OTC: variants seen among roughly 807,000 people sequenced by gnomAD.
The protein encoded by OTC is ornithine transcarbamylase.
Under a neutral mutation model 30.3 loss-of-function variants are expected in OTC, and 3 were observed. The observed-to-expected ratio is 0.10, with a 90% CI of 0.05 to 0.26. The LOEUF (loss-of-function observed/expected upper bound fraction) is 0.26. OTC is among the 10% of genes least tolerant of loss of function. The probability of loss-of-function intolerance (pLI) is 1.00; values close to 1 mark genes in which losing one functional copy is unlikely to be tolerated. For missense variants in OTC, 194 were observed against 260.3 expected (o/e 0.75, Z 1.75); for synonymous variants, 111 against 99.7 (o/e 1.11, Z -0.67).
At chrX:38,344,230 TATATATATATAC>T in the OTC span, among the ~76,000 whole-genome samples, 15,276 of 64,476 alleles carry the variant, frequency 0.24, 874 homozygotes, top group African/African-American at 0.34. Flanking sequence ...CTTTTGGTGA[TATATATATATAC>T]ACACACACAC....
intron 9 of OTC, 125 bp downstream of exon 9, chrX:38,412,124 AT>A: frequency 1.5e-6 from 1 of 649,198 alleles, no homozygotes. Context: ...TGTAACATCT[AT>A]TTTTTTCCAG....
At chrX:38,368,290 G>T (rs2068307139) in intron 2 of OTC, among the ~76,000 whole-genome samples, 1 of 111,547 alleles carries the variant, frequency 9.0e-6, no homozygotes, top group Non-Finnish European at 1.9e-5. Flanking sequence ...AACCCAGGAG[G>T]CGGAGGTTGC....
chrX:38,406,930 CAT>C (rs2068518323), intron 6 of OTC, among the ~76,000 whole-genome samples: 2 of 112,599 alleles, frequency 1.8e-5, no homozygotes, highest in African/African-American at 6.5e-5. Context: ...GGTAGACAAT[CAT>C]GTGCAAATAA....
chrX:38,397,711 CATTGAT>C (rs2068464457), intron 4 of OTC, among the ~76,000 whole-genome samples: 1 of 111,832 alleles, frequency 8.9e-6, no homozygotes, highest in Non-Finnish European at 1.9e-5. Context: ...TCTTCCTCTA[CATTGAT>C]CCACTGTGTC....
chrX:38,422,033 A>G (rs1454066285), downstream of OTC, among the ~76,000 whole-genome samples: 3 of 112,339 alleles, frequency 2.7e-5, no homozygotes, highest in African/African-American at 9.7e-5. Flanking sequence ...TTGTTGAATT[A>G]TTATGATATA....
the OTC span, among the ~76,000 whole-genome samples, chrX:38,332,117 G>T: frequency 2.7e-5 from 3 of 109,608 alleles, no homozygotes; most frequent in South Asian, 1.2e-3. Flanking sequence ...GAGGGATCTA[G>T]ATTGTGTGCT....
At chrX:38,376,652 T>C (rs2147328243) in intron 3 of OTC, among the ~76,000 whole-genome samples, 1 of 111,925 alleles carries the variant, frequency 8.9e-6, no homozygotes, top group African/African-American at 3.2e-5. Context: ...CAAAAGATAT[T>C]CCATGCAAAT....
the OTC span, among the ~76,000 whole-genome samples, chrX:38,330,281 G>A: frequency 1.8e-5 from 2 of 111,968 alleles, no homozygotes; most frequent in Non-Finnish European, 3.8e-5. Flanking sequence ...GTCTCCAGAA[G>A]GGAATGCAAC....
chrX:38,358,515 C>T (rs1418043383), intron 1 of OTC, among the ~76,000 whole-genome samples: 1 of 110,796 alleles, frequency 9.0e-6, no homozygotes, highest in Non-Finnish European at 1.9e-5. Flanking sequence ...CCCAAGCTAA[C>T]ATTTCCTGCC....
chrX:38,384,860 A>G (rs2068394426), intron 4 of OTC, among the ~76,000 whole-genome samples: 1 of 112,664 alleles, frequency 8.9e-6, no homozygotes, highest in South Asian at 3.6e-4. Context: ...TGTTAAATGC[A>G]ATTTCCATAG....
chrX:38,369,978 C>T, intron 3 of OTC, 101 bp downstream of exon 3: 3 of 525,479 alleles, frequency 5.7e-6, no homozygotes, highest in Non-Finnish European at 1.0e-5. Context: ...CCTCTAGCAA[C>T]CACAAAGAAA....
the OTC span, among the ~76,000 whole-genome samples, chrX:38,340,459 G>GTTTTTTTTTT: frequency 8.1e-4 from 49 of 60,474 alleles, no homozygotes; most frequent in South Asian, 2.1e-3. Flanking sequence ...TTGTTTTTTT[G>GTTTTTTTTTT]TTTTTTTTTT....
At chrX:38,345,909 G>A in the OTC span, among the ~76,000 whole-genome samples, 44 of 111,183 alleles carry the variant, frequency 4.0e-4, no homozygotes, top group Non-Finnish European at 7.5e-4. Flanking sequence ...TTTGGGAAAG[G>A]GCCATTATCG....
intron 1 of OTC, among the ~76,000 whole-genome samples, chrX:38,356,824 T>C (rs1287886454): frequency 9.0e-6 from 1 of 111,721 alleles, no homozygotes; most frequent in Non-Finnish European, 1.9e-5. Context: ...ATATCACATA[T>C]GGGTATGTGG....
At chrX:38,418,929 G>A (rs2068582349) in intron 9 of OTC, among the ~76,000 whole-genome samples, 1 of 111,881 alleles carries the variant, frequency 8.9e-6, no homozygotes, top group African/African-American at 3.2e-5. Flanking sequence ...CTAAGACAGA[G>A]CTTTTTCCCT....
At chrX:38,392,108 T>G (rs1214724608) in intron 4 of OTC, among the ~76,000 whole-genome samples, 3 of 111,394 alleles carry the variant, frequency 2.7e-5, no homozygotes, top group African/African-American at 9.8e-5. Context: ...GTTGAACACA[T>G]GTTTTAACTT....
At chrX:38,372,546 C>T (rs2068328268) in intron 3 of OTC, among the ~76,000 whole-genome samples, 1 of 112,219 alleles carries the variant, frequency 8.9e-6, no homozygotes, top group Non-Finnish European at 1.9e-5. Flanking sequence ...ATAAAGAAAT[C>T]CTTAGAAACC....
chrX:38,366,944 G>A (rs764515991), intron 1 of OTC, among the ~76,000 whole-genome samples: 12 of 111,254 alleles, frequency 1.1e-4, no homozygotes, highest in Non-Finnish European at 2.1e-4. Flanking sequence ...TCAAGAGGCC[G>A]AGGCAGGCGG....
chrX:38,367,452 G>A (rs375148070), intron 2 of OTC, 23 bp downstream of exon 2: 79 of 1,172,164 alleles, frequency 6.7e-5, no homozygotes, highest in East Asian at 2.4e-4. Flanking sequence ...TTCTTTTTAC[G>A]TTCCATTACT....
Sources: allele counts gnomAD v4.1 joint callset (sites outside exome capture counted in the v4.1 genomes callset), GRCh38; gene constraint gnomAD v4.1.1; transcripts MANE v1.5; gene names NCBI Gene and HGNC (gene_info 2026-07-23, HGNC 2026-07-21).